The following CENPE variants were observed in gnomAD, a reference collection of about 807,000 sequenced individuals.
CENPE encodes centromere-associated protein E.
In CENPE, 145 loss-of-function variants were observed where a neutral mutation model predicts 336.1. The observed-to-expected ratio is 0.43, with a 90% CI of 0.38 to 0.50. The LOEUF (loss-of-function observed/expected upper bound fraction) is 0.50, where lower values mean the gene tolerates loss of function less well. CENPE is among the 20% of genes least tolerant of loss of function. The probability of loss-of-function intolerance (pLI) is 0.00; values close to 1 mark genes in which losing one functional copy is unlikely to be tolerated. For synonymous variants in CENPE, 1,013 were observed against 984.8 expected, an observed-to-expected ratio of 1.03 and a Z score of -0.54; for missense variants, 2,719 against 3,023.3, an observed-to-expected ratio of 0.90 and a Z score of 2.36.
Position 103,163,206 on chromosome 4 carries a change from A to G in CENPE, c.1773T>C (p.Ile591=). The stretch of plus-strand genomic sequence containing the variant: ...AGTCTATGTATTCCTGTAGCTTCTT[A>G]ATCTGGTCTTCCTTTTCTCTAAGCA... ...VELLREKEDQ[I]KKLQEYIDSQ... Residue 591 remains isoleucine, a synonymous_variant, in exon 18 of 49, where the codon ATT becomes ATC. Coordinates refer to ENST00000265148, the MANE Select transcript of CENPE (RefSeq NM_001813.3). 1 of 1,608,756 alleles carries G rather than the reference A, an allele frequency of 6.2e-7. No individual in the cohort carries two copies. The highest frequency in any genetic ancestry group is 1.3e-5 in the African/African-American group (1 of 74,846).
chr4:103,178,341 C>A (rs1414597640), intron 13 of CENPE, among the ~76,000 whole-genome samples: 5 of 152,156 alleles, frequency 3.3e-5, no homozygotes. Context: ...TCATTACCTA[C>A]AAAGGCTAGC....
At chr4:103,127,974 C>T in intron 42 of CENPE, among the ~76,000 whole-genome samples, 1 of 152,032 alleles carries the variant, frequency 6.6e-6, no homozygotes, top group East Asian at 1.9e-4. Flanking sequence ...AATTAAAAGA[C>T]CGACTGTCAA....
chr4:103,114,878 A>G (rs575345516), intron 45 of CENPE, among the ~76,000 whole-genome samples: 9 of 152,340 alleles, frequency 5.9e-5, no homozygotes, highest in Admixed American at 3.9e-4. Context: ...ATGGGGTCCT[A>G]GAAATATTTG....
At chr4:103,165,179 CAT>C (rs1452176073) in intron 16 of CENPE, among the ~76,000 whole-genome samples, 1 of 152,054 alleles carries the variant, frequency 6.6e-6, no homozygotes, top group Non-Finnish European at 1.5e-5. Flanking sequence ...ATGATTTAAA[CAT>C]ATGATCTGAT....
chr4:103,187,387 G>A (rs1756874646), intron 8 of CENPE, among the ~76,000 whole-genome samples: 1 of 152,134 alleles, frequency 6.6e-6, no homozygotes, highest in South Asian at 2.1e-4. Flanking sequence ...AATGTTAAGG[G>A]CAGCCAGAGA....
At position 103,145,554 on chromosome 4, in the gene CENPE, A is replaced by G. The variant is rs1752971843; in HGVS notation, c.4541T>C (p.Leu1514Ser). 1.2e-6 allele frequency: 2 copies of G among 1,607,032 alleles called. No homozygotes were observed. Among genetic ancestry groups the G allele is most frequent in the East Asian group, 2.2e-5 (1 of 44,686 alleles). The change falls in exon 31 of 49, where the codon TTA becomes TCA. Residue 1514 changes from leucine (L) to serine (S), a missense_variant. This residue lies in a region of CENPE where 2,437 missense variants were observed against 2,513.3 expected (regional missense o/e 0.97). Transcript: ENST00000265148. ...ETEISTIQKQ[L>S]EAINDKLQNK... ...CTGTAATTTATCATTGATTGCTTCT[A>G]ACTGCTTTTGAATGGTTGATATTTC...
intron 16 of CENPE, among the ~76,000 whole-genome samples, chr4:103,170,691 T>C (rs942392046): frequency 3.3e-5 from 5 of 152,184 alleles, no homozygotes; most frequent in Admixed American, 3.3e-4. Flanking sequence ...TTCCTACCTA[T>C]CAGTAGTTCC....
intron 13 of CENPE, among the ~76,000 whole-genome samples, chr4:103,178,549 A>G (rs1295572689): frequency 3.3e-5 from 5 of 152,306 alleles, no homozygotes; most frequent in Admixed American, 1.3e-4. Context: ...AATTCTTTCT[A>G]CTATATTCAA....
chr4:103,173,560 A>AAAATATTTGCAATATTTGCAG (rs1385621319), intron 16 of CENPE, among the ~76,000 whole-genome samples: 5 of 151,924 alleles, frequency 3.3e-5, no homozygotes, highest in East Asian at 1.9e-4. Flanking sequence ...CAATATTTGC[A>AAAATATTTGCAATATTTGCAG]AAATATTTGC....
At chr4:103,118,639 T>G (rs970942298) in intron 44 of CENPE, among the ~76,000 whole-genome samples, 5 of 152,202 alleles carry the variant, frequency 3.3e-5, no homozygotes, top group African/African-American at 1.2e-4. Flanking sequence ...CTATGTCATC[T>G]TCTTGGAGTT....
chr4:103,182,751 A>C lies in CENPE; in HGVS notation c.963+11T>G. The C allele has an allele frequency of 1.9e-6, 3 of 1,587,672 alleles. No individual in the cohort carries two copies. The highest frequency in any genetic ancestry group is 2.6e-6 in the Non-Finnish European group (3 of 1,166,268). On this transcript the variant is annotated intron_variant, in intron 11 of 48. Coordinates refer to ENST00000265148, the MANE Select transcript of CENPE (RefSeq NM_001813.3). ...TCCCCTATATTAAGCTGAGATAAAA[A>C]TCAAACTCACCTGGAGAGCAGTAAG...
At chr4:103,188,726 A>C (rs1055936694) in intron 8 of CENPE, among the ~76,000 whole-genome samples, 5 of 152,234 alleles carry the variant, frequency 3.3e-5, no homozygotes, top group African/African-American at 4.8e-5. Flanking sequence ...CATCACAATT[A>C]AAAGAACTAG....
At chr4:103,184,619 T>C (rs1435565257) in intron 9 of CENPE, among the ~76,000 whole-genome samples, 2 of 152,180 alleles carry the variant, frequency 1.3e-5, no homozygotes, top group African/African-American at 4.8e-5. Context: ...TGAAGGACCA[T>C]CTTTATTGTA....
At chr4:103,143,499 C>A in intron 33 of CENPE, 93 bp from the exon 34 acceptor site, 1 of 836,886 alleles carries the variant, frequency 1.2e-6, no homozygotes, top group East Asian at 2.5e-5. Flanking sequence ...AATCTTCCAC[C>A]CTCTTCTGAG....
chr4:103,185,518 G>T (rs1239605102), intron 9 of CENPE, among the ~76,000 whole-genome samples: 1 of 151,286 alleles, frequency 6.6e-6, no homozygotes, highest in East Asian at 1.9e-4. Context: ...TCCTTATTTT[G>T]AAAGTTTAAA....
At position 103,108,804 on chromosome 4, in the gene CENPE, T is replaced by C; in HGVS notation, c.8010A>G (p.Pro2670=). Residue 2670 remains proline, a splice_region_variant and synonymous_variant, in exon 48 of 49, where the codon CCA becomes CCG. Coordinates refer to ENST00000265148, the MANE Select transcript of CENPE (RefSeq NM_001813.3). ...YFDNSSLGLC[P]EVQNAGAESV... is the part of the protein sequence containing the mutation. Reference sequence around the variant, plus strand: ...CAAGTAACCAGTATATTTACTTACCTGGACAAAGGCCTAAACTTGAGTTAT... The same window carrying C: ...CAAGTAACCAGTATATTTACTTACCCGGACAAAGGCCTAAACTTGAGTTAT... 6.2e-7 allele frequency: 1 copy of C among 1,612,460 alleles called. No individual in the cohort carries two copies.
At chr4:103,178,541 T>C (rs529378235) in intron 13 of CENPE, among the ~76,000 whole-genome samples, 1 of 152,346 alleles carries the variant, frequency 6.6e-6, no homozygotes, top group Admixed American at 6.5e-5. Flanking sequence ...GTTAGTCCAA[T>C]TCTTTCTACT....
At position 103,197,720 on chromosome 4, in the gene CENPE, A is replaced by G. The variant is rs570168692; in HGVS notation, c.56+544T>C. Among the ~76,000 whole-genome samples, 3 of 152,282 alleles carry G rather than the reference A, an allele frequency of 2.0e-5. No homozygotes were observed. In the East Asian group the frequency reaches 5.8e-4, roughly 29 times the overall value. On this transcript the variant is annotated intron_variant, in intron 1 of 48. Transcript: ENST00000265148. ...TCACCACTTAACATCCTACATTTTC[A>G]ACTTTACTTTCTGTCTCGTCCCATT... is the stretch of plus-strand genomic sequence containing the variant.
chr4:103,181,993 T>A (rs1395974920), intron 11 of CENPE: 1 of 152,388 alleles, frequency 6.6e-6, no homozygotes, highest in Non-Finnish European at 1.5e-5. Context: ...CATAAGTAAC[T>A]TTAGGTGGGT....
Sources: gnomAD v4.1 joint callset for allele counts (sites outside exome capture counted in the v4.1 genomes callset) on GRCh38, gnomAD v4.1.1 for gene constraint, gnomAD v4.1.1 regional missense constraint, MANE v1.5 for transcripts, NCBI Gene and HGNC (gene_info 2026-07-23, HGNC 2026-07-21) for gene names.